Variants in DNAH12 observed in about 807,000 individuals in gnomAD.
The protein encoded by DNAH12 is dynein axonemal heavy chain 12.
DNAH12 carries 285 observed loss-of-function variants against 371.5 expected under a neutral mutation model. The ratio of observed to expected loss-of-function variants is 0.77; its 90% confidence interval spans 0.70 to 0.85. The LOEUF (loss-of-function observed/expected upper bound fraction) is 0.85, where lower values mean the gene tolerates loss of function less well. Among genes scored for constraint, DNAH12 ranks in the 40% least tolerant of loss-of-function variants. DNAH12 has a pLI of 0.00. For synonymous variants in DNAH12, 1,200 were observed against 1,213.0 expected, an observed-to-expected ratio of 0.99 and a Z score of 0.22; for missense variants, 3,611 against 3,689.4, an observed-to-expected ratio of 0.98 and a Z score of 0.55.
Position 57,446,049 on chromosome 3 carries a change from T to G in DNAH12, c.4161A>C (p.Glu1387Asp). Residue 1387 changes from glutamate to aspartate, a missense_variant, in exon 27 of 74, where the codon GAA becomes GAC. Glu to Asp is a conservative substitution (Grantham distance 45). Coordinates refer to ENST00000495027, the MANE Select transcript of DNAH12 (RefSeq NM_001366028.2). ...TMNPGYAGRS[E>D]LPDNLKVLFR... ...ATATTACCTTAAGATTGTCCGGCAA[T>G]TCAGAGCGTCCTGCATAGCCAGGAT... The G allele has an allele frequency of 6.5e-7, 1 of 1,549,814 alleles. No individual in the cohort carries two copies. The highest frequency in any genetic ancestry group is 1.7e-4 in the Middle Eastern group (1 of 5,984).
At chr3:57,299,674 C>A (rs1013542488) in intron 70 of DNAH12, among the ~76,000 whole-genome samples, 9 of 152,074 alleles carry the variant, frequency 5.9e-5, no homozygotes, top group African/African-American at 2.2e-4. Context: ...ATAGGATTAG[C>A]ACCCTTATAA....
At chr3:57,501,677 A>G (rs2067552261) in intron 10 of DNAH12, among the ~76,000 whole-genome samples, 1 of 152,238 alleles carries the variant, frequency 6.6e-6, no homozygotes, top group East Asian at 1.9e-4. Context: ...AATAGAAGAT[A>G]TTGGTTAATA....
chr3:57,406,285 A>G (rs1553681203), intron 40 of DNAH12, among the ~76,000 whole-genome samples: 1 of 149,516 alleles, frequency 6.7e-6, no homozygotes, highest in Non-Finnish European at 1.5e-5. Flanking sequence ...CGGGAGGTGG[A>G]GGTAGACATT....
intron 2 of DNAH12, among the ~76,000 whole-genome samples, chr3:57,526,662 A>G (rs1418549316): frequency 6.7e-6 from 1 of 149,044 alleles, no homozygotes; most frequent in African/African-American, 2.5e-5. Flanking sequence ...AGTAGCTGGG[A>G]CTCCAGGTGT....
chr3:57,411,879 T>C (rs1390477252), intron 39 of DNAH12, among the ~76,000 whole-genome samples: 1 of 152,114 alleles, frequency 6.6e-6, no homozygotes, highest in African/African-American at 2.4e-5. Context: ...TCAACACTAT[T>C]GAAAGAGAAA....
At chr3:57,460,462 G>T (rs575944173) in intron 19 of DNAH12, among the ~76,000 whole-genome samples, 5 of 152,126 alleles carry the variant, frequency 3.3e-5, no homozygotes, top group Admixed American at 6.6e-5. Flanking sequence ...TCTTAAATAT[G>T]TGCCTAAGGT....
At position 57,509,205 on chromosome 3, in the gene DNAH12, G is replaced by T. The variant is rs765175957; in HGVS notation, c.477C>A (p.Ser159Arg). The T allele has an allele frequency of 2.5e-6, 4 of 1,613,136 alleles. No homozygotes were observed. Among genetic ancestry groups the T allele is most frequent in the Non-Finnish European group, 3.4e-6 (4 of 1,179,636 alleles). Reference sequence around the variant, plus strand: ...ATTTAACTGGTGGTTTCACAAGAACGCTCTGCACTAAAATACATGGATATA... The same window carrying T: ...ATTTAACTGGTGGTTTCACAAGAACTCTCTGCACTAAAATACATGGATATA... ...ENSMKRYLVQSVLVKPPVKSL... is the reference protein window; with the variant it reads ...ENSMKRYLVQRVLVKPPVKSL... The change falls in exon 6 of 74, where the codon AGC becomes AGA. Residue 159 changes from serine (S) to arginine (R), a missense_variant. Coordinates refer to ENST00000495027, the MANE Select transcript of DNAH12 (RefSeq NM_001366028.2).
At chr3:57,392,184 TTGGTTTTATATCAATAGAA>T (rs1158620432) in intron 44 of DNAH12, 118 bp from the exon 45 acceptor site, 1 of 152,222 alleles carries the variant, frequency 6.6e-6, no homozygotes, top group African/African-American at 2.4e-5. Flanking sequence ...CTGTAAAATT[TTGGTTTTATATCAATAGAA>T]TGGCTTTGAC....
chr3:57,359,656 C>A (rs2062880192), intron 58 of DNAH12, among the ~76,000 whole-genome samples: 1 of 149,778 alleles, frequency 6.7e-6, no homozygotes, highest in African/African-American at 2.4e-5. Context: ...AAAACTTTTT[C>A]TGGTCTGTGA....
At chr3:57,411,536 AAAAAAAAAAAAAAAAAAAAG>A (rs1321868256) in intron 39 of DNAH12, among the ~76,000 whole-genome samples, 3 of 110,618 alleles carry the variant, frequency 2.7e-5, no homozygotes, top group African/African-American at 9.0e-5. Flanking sequence ...CAAAAAAAAA[AAAAAAAAAAAAAAAAAAAAG>A]AAAGAAAGAA....
At chr3:57,416,785 G>C (rs2064389301) in intron 37 of DNAH12, among the ~76,000 whole-genome samples, 1 of 152,024 alleles carries the variant, frequency 6.6e-6, no homozygotes, top group Non-Finnish European at 1.5e-5. Flanking sequence ...TCAGTGAATG[G>C]GGAATTCAAG....
chr3:57,470,715 A>G, intron 15 of DNAH12, 79 bp from the exon 16 acceptor site: 2 of 1,188,378 alleles, frequency 1.7e-6, no homozygotes, highest in African/African-American at 1.6e-5. Context: ...ACTGTGTACA[A>G]TATGTCCTTG....
intron 2 of DNAH12, among the ~76,000 whole-genome samples, chr3:57,539,890 A>G (rs1049183068): frequency 1.6e-4 from 24 of 151,898 alleles, no homozygotes; most frequent in African/African-American, 5.1e-4. Flanking sequence ...TGCTGGGATT[A>G]CAGGAGTGAG....
At chr3:57,425,475 C>G (rs981794883) in intron 34 of DNAH12, among the ~76,000 whole-genome samples, 1 of 151,994 alleles carries the variant, frequency 6.6e-6, no homozygotes, top group South Asian at 2.1e-4. Flanking sequence ...GTGATCACAG[C>G]TCAGTGCAGC....
At chr3:57,429,647 T>C in intron 33 of DNAH12, 44 bp downstream of exon 33, 1 of 1,481,936 alleles carries the variant, frequency 6.7e-7, no homozygotes, top group African/African-American at 1.4e-5. Flanking sequence ...AATTAAAGAA[T>C]GAAGAAATGA....
At chr3:57,534,399 G>A (rs1016043781) in intron 2 of DNAH12, among the ~76,000 whole-genome samples, 4 of 151,778 alleles carry the variant, frequency 2.6e-5, no homozygotes, top group African/African-American at 9.7e-5. Context: ...TTGTGTTCCT[G>A]TTGAGGGGTA....
At chr3:57,308,099 A>T (rs975605687) in intron 69 of DNAH12, among the ~76,000 whole-genome samples, 2 of 152,108 alleles carry the variant, frequency 1.3e-5, no homozygotes, top group Non-Finnish European at 2.9e-5. Context: ...GGACTGGCAA[A>T]TTGGCTTTAC....
intron 58 of DNAH12, among the ~76,000 whole-genome samples, chr3:57,359,902 G>A (rs1384347866): frequency 1.3e-5 from 2 of 152,116 alleles, no homozygotes; most frequent in Non-Finnish European, 2.9e-5. Context: ...ATAGAAGTCA[G>A]GGTCAGATAC....
intron 65 of DNAH12, among the ~76,000 whole-genome samples, chr3:57,321,786 G>A (rs971368805): frequency 6.6e-5 from 10 of 152,066 alleles, no homozygotes; most frequent in African/African-American, 1.9e-4. Flanking sequence ...ACTTTTCCCT[G>A]TTTCTCAATT....
Sources: gnomAD v4.1 joint callset for allele counts (sites outside exome capture counted in the v4.1 genomes callset) on GRCh38, gnomAD v4.1.1 for gene constraint, MANE v1.5 for transcripts, NCBI Gene and HGNC (gene_info 2026-07-23, HGNC 2026-07-21) for gene names.